Variants in ZNHIT6 observed in about 807,000 individuals in gnomAD.
ZNHIT6 encodes the protein box C/D snoRNA protein 1.
ZNHIT6 carries 45 observed loss-of-function variants against 57.2 expected under a neutral mutation model. The ratio of observed to expected loss-of-function variants is 0.79; its 90% CI spans 0.62 to 1.01. The LOEUF (loss-of-function observed/expected upper bound fraction) is 1.01. Among genes scored for constraint, ZNHIT6 ranks in the 50% least tolerant of loss-of-function variants. The probability of loss-of-function intolerance (pLI) is 0.00; values close to 1 mark genes in which losing one functional copy is unlikely to be tolerated. For missense variants in ZNHIT6, 528 were observed against 567.3 expected (o/e 0.93, Z 0.70); for synonymous variants, 188 against 190.0 (o/e 0.99, Z 0.09).
At chr1:85,655,198 C>G (rs1221897066) in intron 9 of ZNHIT6, among the ~76,000 whole-genome samples, 1 of 152,162 alleles carries the variant, frequency 6.6e-6, no homozygotes, top group Non-Finnish European at 1.5e-5. Flanking sequence ...CTGGCTGTCT[C>G]TGTACTTCAG....
At chr1:85,677,192 G>T in intron 8 of ZNHIT6, 44 bp downstream of exon 8, 2 of 1,454,164 alleles carry the variant, frequency 1.4e-6, no homozygotes, top group South Asian at 1.3e-5. Flanking sequence ...TTATATTACA[G>T]AACTAAAAAA....
At position 85,680,909 on chromosome 1, in the gene ZNHIT6, G is replaced by T; in HGVS notation, c.1020-5C>A. On this transcript the variant is annotated splice_region_variant and splice_polypyrimidine_tract_variant and intron_variant, in intron 5 of 9. Coordinates refer to ENST00000370574, the MANE Select transcript of ZNHIT6 (RefSeq NM_017953.4). Reference sequence around the variant, plus strand: ...TGCCAACAAAACTGTTGTTTTCTAAGAGAGAAAATAATCATGTGAGAATCA... The same window carrying T: ...TGCCAACAAAACTGTTGTTTTCTAATAGAGAAAATAATCATGTGAGAATCA... The T allele has an allele frequency of 6.2e-7, 1 of 1,608,572 alleles. No homozygotes were observed. Among genetic ancestry groups the T allele is most frequent in the South Asian group, 1.1e-5 (1 of 90,028 alleles).
rs144835252 is a variant in ZNHIT6, at chr1:85,674,406, A to T, written c.1247+2830T>A. Among the ~76,000 whole-genome samples the T allele has an allele frequency of 9.4e-4, 143 of 152,110 alleles. 1 individual carries two copies. Among genetic ancestry groups the T allele is most frequent in the South Asian group, 2.7e-3 (13 of 4,820 alleles). ...TGCCTCATCCTCCCAAAGTGCTGGG[A>T]TTACAGGCATGAGCCACAGGCACCC... On this transcript the variant is annotated intron_variant, in intron 8 of 9. Transcript: ENST00000370574.
chr1:85,698,626 GCAATCAA>G (rs1662446435), intron 5 of ZNHIT6, among the ~76,000 whole-genome samples: 1 of 152,074 alleles, frequency 6.6e-6, no homozygotes, highest in African/African-American at 2.4e-5. Context: ...GCTTAAACAA[GCAATCAA>G]TTTAATACCT....
chr1:85,651,052 A>G lies in ZNHIT6; in HGVS notation c.*3006T>C, dbSNP rs1660891603. The stretch of plus-strand genomic sequence containing the variant: ...TATGTAAAATTTAGTAACATGAAAT[A>G]AGGTACAACACAAAGTATATGTCAA... On this transcript the variant is annotated 3_prime_UTR_variant, in exon 10 of 10. Coordinates refer to ENST00000370574, the MANE Select transcript of ZNHIT6 (RefSeq NM_017953.4). 1 of 152,240 alleles carries G rather than the reference A, an allele frequency of 6.6e-6. No individual in the cohort carries two copies. 9.4% of individuals were successfully genotyped at this position (152,240 alleles called of 1,614,324 possible). A position where few individuals can be genotyped will look rare whatever the true frequency, so the allele number is the denominator to read the frequency against.
chr1:85,665,995 G>A (rs145771127), intron 8 of ZNHIT6, among the ~76,000 whole-genome samples: 2 of 152,246 alleles, frequency 1.3e-5, no homozygotes, highest in East Asian at 3.9e-4. Flanking sequence ...GGACTATAAA[G>A]CCAATTTTGT....
chr1:85,650,941 ATCTAATT>A lies in ZNHIT6; in HGVS notation c.*3110_*3116del, dbSNP rs1340826974. On this transcript the variant is annotated 3_prime_UTR_variant, in exon 10 of 10. Coordinates refer to ENST00000370574, the MANE Select transcript of ZNHIT6 (RefSeq NM_017953.4). ...GCCTCCCAACACTAGCACATGGGGA[ATCTAATT>A]TCAACATGAGTTTTGGTAGGAACAA... 1 of 152,228 alleles carries A rather than the reference ATCTAATT, an allele frequency of 6.6e-6. No individual in the cohort carries two copies. The highest frequency in any genetic ancestry group is 1.5e-5 in the Non-Finnish European group (1 of 68,040). The allele number at this position is 152,228 out of a possible 1,614,324, so 9.4% of individuals were successfully genotyped here. A position where few individuals can be genotyped will look rare whatever the true frequency, so the allele number is the denominator to read the frequency against.
At chr1:85,663,178 T>C (rs1357824805) in intron 8 of ZNHIT6, among the ~76,000 whole-genome samples, 1 of 152,174 alleles carries the variant, frequency 6.6e-6, no homozygotes, top group African/African-American at 2.4e-5. Context: ...AAAGTGTAAC[T>C]TGCTAAGCTA....
At chr1:85,667,961 A>AAAAAAAAAAATGTATATATATATAT in intron 8 of ZNHIT6, among the ~76,000 whole-genome samples, 2 of 18,202 alleles carry the variant, frequency 1.1e-4, no homozygotes, top group African/African-American at 2.1e-4. Context: ...AAAAAAAAAA[A>AAAAAAAAAAATGTATATATATATAT]ATATATATAT....
chr1:85,675,590 T>G (rs1661676896), intron 8 of ZNHIT6, among the ~76,000 whole-genome samples: 1 of 152,122 alleles, frequency 6.6e-6, no homozygotes, highest in South Asian at 2.1e-4. Flanking sequence ...CAACTTTAAG[T>G]CCCCAGCTGC....
At position 85,667,961 on chromosome 1, in the gene ZNHIT6, A is replaced by AAAAAAAAAAAAAAAAAT; in HGVS notation, c.1247+9274_1247+9275insATTTTTTTTTTTTTTTT. On this transcript the variant is annotated intron_variant, in intron 8 of 9. Coordinates refer to ENST00000370574, the MANE Select transcript of ZNHIT6 (RefSeq NM_017953.4). ...ACTCTCTCTTTCAAAAAAAAAAAAA[A>AAAAAAAAAAAAAAAAAT]ATATATATATATATATATATATATG... Among the ~76,000 whole-genome samples, 39 of 18,198 alleles carry AAAAAAAAAAAAAAAAAT rather than the reference A, an allele frequency of 2.1e-3. 1 individual carries two copies. Among genetic ancestry groups the AAAAAAAAAAAAAAAAAT allele is most frequent in the East Asian group, 3.4e-3 (2 of 582 alleles). 11.9% of individuals were successfully genotyped at this position (18,198 alleles called of 152,430 possible). A position where few individuals can be genotyped will look rare whatever the true frequency, so the allele number is the denominator to read the frequency against.
chr1:85,679,580 T>TTTA (rs1553156742), intron 6 of ZNHIT6, among the ~76,000 whole-genome samples: 1 of 150,072 alleles, frequency 6.7e-6, no homozygotes. Context: ...TTTTTTTTTT[T>TTTA]TAATTTTTTT....
In ZNHIT6 at chr1:85,708,002, G is replaced by A. The variant is rs1662741478; in HGVS notation, c.283C>T (p.Gln95Ter). ...WPGTEGRLAGQWVEQEVEDRP... is the reference protein window; with the variant it reads ...WPGTEGRLAG Reference sequence around the variant, plus strand: ...TCCTCCACCTCCTGTTCTACCCACTGGCCAGCCAACCTGCCTTCTGTACCT... The same window carrying A: ...TCCTCCACCTCCTGTTCTACCCACTAGCCAGCCAACCTGCCTTCTGTACCT... The change falls in exon 1 of 10, where the codon CAG becomes TAG. Residue 95 changes from glutamine (Q) to a stop codon, truncating the protein, a stop_gained. Transcript: ENST00000370574. LOFTEE classifies it high-confidence loss of function. 1 of 1,613,870 alleles carries A rather than the reference G, an allele frequency of 6.2e-7. No individual in the cohort carries two copies. Among genetic ancestry groups the A allele is most frequent in the Non-Finnish European group, 8.5e-7 (1 of 1,180,010 alleles).
intron 5 of ZNHIT6, among the ~76,000 whole-genome samples, chr1:85,701,868 A>C (rs1323152298): frequency 6.6e-6 from 1 of 152,092 alleles, no homozygotes; most frequent in Non-Finnish European, 1.5e-5. Context: ...AAATCACAAC[A>C]AGCATACTTA....
intron 8 of ZNHIT6, among the ~76,000 whole-genome samples, chr1:85,672,495 C>A (rs988112094): frequency 6.6e-6 from 1 of 152,144 alleles, no homozygotes; most frequent in Non-Finnish European, 1.5e-5. Flanking sequence ...CTTCTTAAGG[C>A]CCTCTGTACC....
At position 85,649,933 on chromosome 1, in the gene ZNHIT6, A is replaced by G. The variant is rs1452852402; in HGVS notation, c.*4125T>C. The G allele has an allele frequency of 6.6e-6, 1 of 152,234 alleles. No individual in the cohort carries two copies. The highest frequency in any genetic ancestry group is 1.5e-5 in the Non-Finnish European group (1 of 68,032). The allele number at this position is 152,234 out of a possible 1,614,324, so 9.4% of individuals were successfully genotyped here. On this transcript the variant is annotated 3_prime_UTR_variant, in exon 10 of 10. Transcript: ENST00000370574. ...GAAGAAGAGATTAAAATCTCTAGTTAAAAACAATCAAGACTTGCAGATTAA... is the reference window on the plus strand; with the variant it reads ...GAAGAAGAGATTAAAATCTCTAGTTGAAAACAATCAAGACTTGCAGATTAA...
chr1:85,671,942 T>C (rs1661566923), intron 8 of ZNHIT6, among the ~76,000 whole-genome samples: 1 of 152,158 alleles, frequency 6.6e-6, no homozygotes, highest in African/African-American at 2.4e-5. Flanking sequence ...AATGTACTAT[T>C]TGTAATGGTG....
chr1:85,708,308 C>T lies in ZNHIT6; in HGVS notation c.-24G>A. 1 of 1,572,406 alleles carries T rather than the reference C, an allele frequency of 6.4e-7. No individual in the cohort carries two copies. The highest frequency in any genetic ancestry group is 1.7e-5 in the Admixed American group (1 of 58,376). ...ATCAACTCACGATCCTTGGCCTCTGCTGCCACTCTATCCTTCAATGTGGCT... is the reference window on the plus strand; with the variant it reads ...ATCAACTCACGATCCTTGGCCTCTGTTGCCACTCTATCCTTCAATGTGGCT... On this transcript the variant is annotated 5_prime_UTR_variant, in exon 1 of 10. Coordinates refer to ENST00000370574, the MANE Select transcript of ZNHIT6 (RefSeq NM_017953.4).
intron 8 of ZNHIT6, among the ~76,000 whole-genome samples, chr1:85,676,441 C>T (rs373592472): frequency 1.1e-4 from 17 of 152,112 alleles, no homozygotes; most frequent in African/African-American, 3.9e-4. Flanking sequence ...GCAATCACGA[C>T]TTGACTAACT....
Sources: allele counts gnomAD v4.1 joint callset (sites outside exome capture counted in the v4.1 genomes callset), GRCh38; gene constraint gnomAD v4.1.1; transcripts MANE v1.5; gene names NCBI Gene and HGNC (gene_info 2026-07-23, HGNC 2026-07-21).